The following ZNF10 variants were observed in gnomAD, a reference collection of about 807,000 sequenced individuals.
ZNF10 encodes zinc finger protein 10 (KOX 1).
ZNF10 carries 8 observed loss-of-function variants against 12.2 expected under a neutral mutation model. The observed-to-expected ratio is 0.66, with a 90% CI of 0.39 to 1.18. The LOEUF (loss-of-function observed/expected upper bound fraction) is 1.18, where lower values mean the gene tolerates loss of function less well. Ranked by LOEUF, ZNF10 falls within the 50% of genes most tolerant of loss-of-function variation. The pLI, the probability that ZNF10 is intolerant of heterozygous loss-of-function variation, is 0.01. For synonymous variants in ZNF10, 229 were observed against 228.2 expected (o/e 1.00, Z -0.03); for missense variants, 603 against 678.9 (o/e 0.89, Z 1.24).
intron 1 of ZNF10, among the ~76,000 whole-genome samples, chr12:133,140,663 T>C (rs550840717): frequency 6.6e-6 from 1 of 152,154 alleles, no homozygotes; most frequent in Admixed American, 6.5e-5. Context: ...TTTATAAACA[T>C]TGCATTTTAA....
At chr12:133,138,927 G>T (rs1955928584) in intron 1 of ZNF10, among the ~76,000 whole-genome samples, 2 of 152,176 alleles carry the variant, frequency 1.3e-5, no homozygotes. Flanking sequence ...AAGGAACCTT[G>T]TACTCCTGTG....
At chr12:133,146,191 C>T (rs1320853172) in intron 2 of ZNF10, among the ~76,000 whole-genome samples, 1 of 152,166 alleles carries the variant, frequency 6.6e-6, no homozygotes, top group Non-Finnish European at 1.5e-5. Flanking sequence ...GTTCTGGAAA[C>T]CAGACTTGCA....
intron 1 of ZNF10, among the ~76,000 whole-genome samples, chr12:133,131,448 GC>G (rs1038932601): frequency 6.6e-6 from 1 of 151,318 alleles, no homozygotes; most frequent in Non-Finnish European, 1.5e-5. Flanking sequence ...TTCAATTCCA[GC>G]TATACATTAA....
At chr12:133,134,701 G>A (rs1955901107) in intron 1 of ZNF10, among the ~76,000 whole-genome samples, 1 of 152,140 alleles carries the variant, frequency 6.6e-6, no homozygotes, top group African/African-American at 2.4e-5. Context: ...CTGGCACTAT[G>A]TTTTGACTTT....
At chr12:133,139,725 T>A (rs1434696094) in intron 1 of ZNF10, among the ~76,000 whole-genome samples, 2 of 152,042 alleles carry the variant, frequency 1.3e-5, no homozygotes, top group Non-Finnish European at 1.5e-5. Flanking sequence ...GGTGACTGAT[T>A]GGATGTTAAA....
intron 1 of ZNF10, among the ~76,000 whole-genome samples, chr12:133,134,165 T>G (rs75468568): frequency 7.2e-6 from 1 of 139,576 alleles, no homozygotes. Context: ...AAAAAAAAAT[T>G]AGCTGAGTGT....
intron 4 of ZNF10, 39 bp downstream of exon 4, chr12:133,151,943 G>T (rs1365249928): frequency 6.5e-7 from 1 of 1,546,814 alleles, no homozygotes; most frequent in Non-Finnish European, 8.9e-7. Context: ...CAGCAGCCCA[G>T]ATGGGCTGTG....
intron 1 of ZNF10, among the ~76,000 whole-genome samples, chr12:133,140,202 CAAAAAAAAAA>C (rs67577219): frequency 2.0e-4 from 7 of 35,202 alleles, no homozygotes; most frequent in Admixed American, 1.1e-3. Flanking sequence ...GACCCTGTCT[CAAAAAAAAAA>C]AAAAAAAAAA....
At chr12:133,148,208 C>T (rs1488255519) in intron 2 of ZNF10, among the ~76,000 whole-genome samples, 2 of 152,126 alleles carry the variant, frequency 1.3e-5, no homozygotes, top group African/African-American at 4.8e-5. Context: ...GCAACCTCTG[C>T]CTCCAGCGTC....
At chr12:133,150,613 T>C (rs1293222080) in intron 2 of ZNF10, among the ~76,000 whole-genome samples, 1 of 152,082 alleles carries the variant, frequency 6.6e-6, no homozygotes, top group Non-Finnish European at 1.5e-5. Context: ...AAAAATGTTT[T>C]GGATAATTAT....
chr12:133,142,193 C>T (rs1206886684), intron 1 of ZNF10, among the ~76,000 whole-genome samples: 1 of 152,062 alleles, frequency 6.6e-6, no homozygotes, highest in Non-Finnish European at 1.5e-5. Context: ...GAGGCCGAGG[C>T]GGGCAGATCA....
chr12:133,153,207 G>C lies in ZNF10; in HGVS notation c.256+1303G>C, dbSNP rs565608175. Among the ~76,000 whole-genome samples, 5 of 151,796 alleles carry C rather than the reference G, an allele frequency of 3.3e-5. No homozygotes were observed. The South Asian group carries it at 1.0e-3, about 32-fold the overall frequency. On this transcript the variant is annotated intron_variant, in intron 4 of 4. Coordinates refer to ENST00000248211, the MANE Select transcript of ZNF10 (RefSeq NM_015394.5). ...TCAAAAGAAATACTCAGACTTCATG[G>C]GCTTAAAGGCATGGAGTTTTACAGA...
At chr12:133,152,341 T>C (rs1394036238) in intron 4 of ZNF10, among the ~76,000 whole-genome samples, 1 of 152,188 alleles carries the variant, frequency 6.6e-6, no homozygotes, top group African/African-American at 2.4e-5. Context: ...GAGCTCATAA[T>C]TCCTGTTGCC....
chr12:133,155,881 G>C lies in ZNF10; in HGVS notation c.635G>C (p.Ser212Thr). The stretch of plus-strand genomic sequence containing the variant: ...CATCAGGACAGTTGTGCAAGTAACA[G>C]TAATGAATGTGGTCAAACTTTCTGT... The part of the protein sequence containing the change: ...NGHQDSCASN[S>T]NECGQTFCQN... Residue 212 changes from serine to threonine, a missense_variant, in exon 5 of 5, where the codon AGT becomes ACT. Ser to Thr is a moderately conservative substitution (Grantham distance 58, BLOSUM62 1). This residue lies in a region of ZNF10 where 393 missense variants were observed against 399.7 expected (regional missense o/e 0.98). Transcript: ENST00000248211. 6.2e-7 allele frequency: 1 copy of C among 1,613,656 alleles called. No homozygotes were observed. The highest frequency in any genetic ancestry group is 8.5e-7 in the Non-Finnish European group (1 of 1,179,814).
In ZNF10 at chr12:133,151,028, A is replaced by G; in HGVS notation, c.34A>G (p.Thr12Ala). The G allele has an allele frequency of 6.2e-7, 1 of 1,612,678 alleles. No individual in the cohort carries two copies. Among genetic ancestry groups the G allele is most frequent in the Non-Finnish European group, 8.5e-7 (1 of 1,178,962 alleles). The change falls in exon 3 of 5, where the codon ACA (threonine) becomes GCA (alanine). Residue 12 changes from threonine to alanine, a missense_variant and splice_region_variant. Around this residue, in one of 3 missense-constraint regions of ZNF10, gnomAD observed 393 missense variants for 399.7 expected, o/e 0.98. Transcript: ENST00000248211. Reference protein sequence around the residue: ...DAKSLTAWSRTLVTFKDVFVD... With the variant: ...DAKSLTAWSRALVTFKDVFVD... The stretch of plus-strand genomic sequence containing the variant: ...AATGCAAATGTGTTTGATGTTGTAG[A>G]CACTGGTGACCTTCAAGGATGTATT...
Position 133,156,098 on chromosome 12 carries a change from G to GAATAAATGTGTATA in ZNF10, c.852_853insAATAAATGTGTATA (p.Leu285AsnfsTer121). The GAATAAATGTGTATA allele has an allele frequency of 6.2e-7, 1 of 1,613,378 alleles. No homozygotes were observed. The highest frequency in any genetic ancestry group is 8.5e-7 in the Non-Finnish European group (1 of 1,180,006). ...GGCGCTCTAATCTTACTAGGCATCAGCTTATTCATACTGGAGAAAAACCCT... is the reference window on the plus strand; with the variant it reads ...GGCGCTCTAATCTTACTAGGCATCAGAATAAATGTGTATACTTATTCATACTGGAGAAAAACCCT... On this transcript the variant is annotated frameshift_variant, in exon 5 of 5. Coordinates refer to ENST00000248211, the MANE Select transcript of ZNF10 (RefSeq NM_015394.5). LOFTEE classifies it low-confidence loss of function (END_TRUNC).
At chr12:133,152,072 A>C (rs1311284743) in intron 4 of ZNF10, among the ~76,000 whole-genome samples, 168 bp downstream of exon 4, 1 of 152,166 alleles carries the variant, frequency 6.6e-6, no homozygotes, top group African/African-American at 2.4e-5. Context: ...TTCCATTTGC[A>C]TTCAGAGGCA....
intron 1 of ZNF10, among the ~76,000 whole-genome samples, chr12:133,135,512 G>T (rs73162471): frequency 0.011 from 1,679 of 152,240 alleles, 32 homozygotes; most frequent in African/African-American, 0.038. Flanking sequence ...CATCTCTGGA[G>T]GCTCTTCACT....
intron 1 of ZNF10, among the ~76,000 whole-genome samples, chr12:133,134,081 C>A (rs1481709376): frequency 1.3e-5 from 2 of 149,492 alleles, no homozygotes; most frequent in African/African-American, 5.0e-5. Flanking sequence ...GGGAGATCAC[C>A]TGAGGTCAGG....
Sources: allele counts gnomAD v4.1 joint callset (sites outside exome capture counted in the v4.1 genomes callset), GRCh38; gene constraint gnomAD v4.1.1; regional missense constraint gnomAD v4.1.1; transcripts MANE v1.5; gene names NCBI Gene and HGNC (gene_info 2026-07-23, HGNC 2026-07-21).